The following ISM1 variants were observed in gnomAD, a reference collection of about 807,000 sequenced individuals.
ISM1 encodes the protein isthmin 1.
In ISM1, 25 loss-of-function variants were observed where a neutral mutation model predicts 46.3. The ratio of observed to expected loss-of-function variants is 0.54; its 90% CI spans 0.39 to 0.75. The LOEUF (loss-of-function observed/expected upper bound fraction) is 0.75. Among genes scored for constraint, ISM1 ranks in the 30% least tolerant of loss-of-function variants. The probability of loss-of-function intolerance (pLI) is 0.00; values close to 1 mark genes in which losing one functional copy is unlikely to be tolerated. For missense variants in ISM1, 536 were observed against 625.4 expected, an observed-to-expected ratio of 0.86 and a Z score of 1.52; for synonymous variants, 255 against 256.7, an observed-to-expected ratio of 0.99 and a Z score of 0.06.
At chr20:13,281,262 A>G (rs6041987) in intron 3 of ISM1, among the ~76,000 whole-genome samples, 34,825 of 152,062 alleles carry the variant, frequency 0.23, 4,050 homozygotes, top group African/African-American at 0.27. Context: ...AACAGAGCAA[A>G]ATAGTGCCAT....
At chr20:13,309,272 A>G in the ISM1 span, among the ~76,000 whole-genome samples, 1 of 152,070 alleles carries the variant, frequency 6.6e-6, no homozygotes, top group East Asian at 1.9e-4. Flanking sequence ...TTTAGAGGTA[A>G]CATTTTATTT....
intron 1 of ISM1, among the ~76,000 whole-genome samples, chr20:13,223,458 A>G (rs1293091253): frequency 6.6e-6 from 1 of 152,208 alleles, no homozygotes; most frequent in African/African-American, 2.4e-5. Flanking sequence ...AGATGCAAAA[A>G]CTGAGGTACA....
intron 1 of ISM1, among the ~76,000 whole-genome samples, chr20:13,223,803 T>C (rs2039480792): frequency 6.6e-6 from 1 of 152,218 alleles, no homozygotes; most frequent in African/African-American, 2.4e-5. Flanking sequence ...CTTCAAGATT[T>C]CTGGAAGTTA....
At chr20:13,278,736 G>A (rs2040207072) in intron 2 of ISM1, among the ~76,000 whole-genome samples, 1 of 152,216 alleles carries the variant, frequency 6.6e-6, no homozygotes, top group Non-Finnish European at 1.5e-5. Flanking sequence ...CTGGGACTCA[G>A]CTGGGAGAGC....
At chr20:13,255,035 T>C (rs2039911110) in intron 1 of ISM1, among the ~76,000 whole-genome samples, 1 of 152,224 alleles carries the variant, frequency 6.6e-6, no homozygotes, top group Admixed American at 6.5e-5. Context: ...GACATCCTGG[T>C]AGGGGCCACA....
At chr20:13,294,755 C>T (rs148824906) in intron 5 of ISM1, among the ~76,000 whole-genome samples, 48 of 152,336 alleles carry the variant, frequency 3.2e-4, no homozygotes, top group African/African-American at 1.1e-3. Context: ...CAGCTGGCAG[C>T]ACCTCGACAC....
downstream of ISM1, among the ~76,000 whole-genome samples, chr20:13,302,115 A>T (rs2040463071): frequency 6.6e-6 from 1 of 152,214 alleles, no homozygotes; most frequent in South Asian, 2.1e-4. Context: ...TGTCTAAGGT[A>T]TTTTTGTTAA....
At chr20:13,305,952 G>A in the ISM1 span, among the ~76,000 whole-genome samples, 1 of 152,192 alleles carries the variant, frequency 6.6e-6, no homozygotes, top group African/African-American at 2.4e-5. Flanking sequence ...GGGAATGAGT[G>A]GGGCACTGGA....
chr20:13,282,291 C>G (rs1201948479), intron 3 of ISM1, among the ~76,000 whole-genome samples: 1 of 152,174 alleles, frequency 6.6e-6, no homozygotes, highest in Non-Finnish European at 1.5e-5. Context: ...TGCTCTCCAT[C>G]TCCTGAATGA....
chr20:13,279,435 G>GCCATGTT, intron 2 of ISM1, among the ~76,000 whole-genome samples, 199 bp from the exon 3 acceptor site: 1 of 152,236 alleles, frequency 6.6e-6, no homozygotes, highest in South Asian at 2.1e-4. Context: ...CCAACCCAAA[G>GCCATGTT]CCATGTTCCA....
At chr20:13,245,689 T>A (rs1383450171) in intron 1 of ISM1, among the ~76,000 whole-genome samples, 5 of 152,356 alleles carry the variant, frequency 3.3e-5, no homozygotes, top group African/African-American at 1.2e-4. Context: ...TTCCTTCATT[T>A]TATTTCATTT....
intron 1 of ISM1, among the ~76,000 whole-genome samples, chr20:13,264,902 A>G (rs1319917224): frequency 1.3e-5 from 2 of 152,178 alleles, no homozygotes; most frequent in African/African-American, 2.4e-5. Flanking sequence ...AGGAGGGATG[A>G]GATCCCAGCA....
At chr20:13,266,020 G>A (rs1184281466) in intron 1 of ISM1, among the ~76,000 whole-genome samples, 1 of 152,166 alleles carries the variant, frequency 6.6e-6, no homozygotes, top group Non-Finnish European at 1.5e-5. Flanking sequence ...AGGACAAAGT[G>A]GAAGAGAGAA....
chr20:13,229,630 T>C (rs924743227), intron 1 of ISM1, among the ~76,000 whole-genome samples: 6 of 152,220 alleles, frequency 3.9e-5, no homozygotes, highest in African/African-American at 1.4e-4. Flanking sequence ...TTAGTATTCT[T>C]ACACAAGCCT....
intron 1 of ISM1, among the ~76,000 whole-genome samples, chr20:13,264,520 G>T (rs184097685): frequency 6.6e-6 from 1 of 152,226 alleles, no homozygotes; most frequent in East Asian, 1.9e-4. Context: ...ATCCTAATTT[G>T]CCCTGTGGCT....
chr20:13,319,614 C>A, the ISM1 span, among the ~76,000 whole-genome samples: 2 of 152,164 alleles, frequency 1.3e-5, no homozygotes, highest in Non-Finnish European at 2.9e-5. Flanking sequence ...CTTTATTTGT[C>A]AAAACAAACA....
chr20:13,247,469 G>T (rs1487797747), intron 1 of ISM1, among the ~76,000 whole-genome samples: 1 of 151,684 alleles, frequency 6.6e-6, no homozygotes, highest in Non-Finnish European at 1.5e-5. Context: ...GGACACCTTC[G>T]CCGGATGCTG....
chr20:13,224,841 CTTTT>C (rs1162270732), intron 1 of ISM1, among the ~76,000 whole-genome samples: 3 of 107,246 alleles, frequency 2.8e-5, no homozygotes, highest in South Asian at 3.1e-4. Context: ...AGCTTTCTTT[CTTTT>C]TTTTTTTTTT....
intron 1 of ISM1, among the ~76,000 whole-genome samples, chr20:13,237,397 A>G (rs1040280453): frequency 9.2e-5 from 14 of 152,276 alleles, no homozygotes; most frequent in African/African-American, 3.4e-4. Context: ...GGGAATGAAC[A>G]AATGACAACT....
Sources: gnomAD v4.1 joint callset for allele counts (sites outside exome capture counted in the v4.1 genomes callset) on GRCh38, gnomAD v4.1.1 for gene constraint, MANE v1.5 for transcripts, NCBI Gene and HGNC (gene_info 2026-07-23, HGNC 2026-07-21) for gene names.